Variants in PDE1C observed in about 807,000 individuals in gnomAD.
PDE1C encodes the protein phosphodiesterase 1C, also known as dual specificity calcium/calmodulin-dependent 3',5'-cyclic nucleotide phosphodiesterase 1C.
A neutral mutation model predicts 93.1 loss-of-function variants in PDE1C; 62 were observed. The ratio of observed to expected loss-of-function variants is 0.67; its 90% CI spans 0.54 to 0.82. The LOEUF (loss-of-function observed/expected upper bound fraction) is 0.82. PDE1C is among the 40% of genes least tolerant of loss of function. PDE1C has a pLI of 0.00. For synonymous variants in PDE1C, 325 were observed against 310.1 expected (o/e 1.05, Z -0.50); for missense variants, 742 against 884.6 (o/e 0.84, Z 2.04).
At chr7:31,727,167 A>T in the PDE1C span, among the ~76,000 whole-genome samples, 2 of 152,068 alleles carry the variant, frequency 1.3e-5, no homozygotes, top group African/African-American at 2.4e-5. Flanking sequence ...ACAAGCCCAA[A>T]TTCTGTAAGT....
Position 32,006,097 on chromosome 7 carries a change from C to T in PDE1C, c.128+45457G>A, listed in dbSNP as rs543523237. Among the ~76,000 whole-genome samples the T allele has an allele frequency of 2.6e-5, 4 of 152,134 alleles. No individual in the cohort carries two copies. The South Asian group carries it at 8.3e-4, about 32-fold the overall frequency. ...TGTTCCTTTCTTGGTTCCATTAGTT[C>T]TGACTGAAAAGTCAAACAGGTAAGA... On this transcript the variant is annotated intron_variant, in intron 2 of 17. Transcript: ENST00000396191.
In PDE1C at chr7:32,298,007, TCTCTCTCTC is replaced by T. The variant is rs1562660250; in HGVS notation, c.85+635_85+643del. Among the ~76,000 whole-genome samples, 40 of 45,774 alleles carry T rather than the reference TCTCTCTCTC, an allele frequency of 8.7e-4. 4 individuals are homozygous for T. The highest frequency in any genetic ancestry group is 5.3e-3 in the South Asian group (4 of 750). The allele number at this position is 45,774 out of a possible 152,430, so 30.0% of individuals were successfully genotyped here. A position where few individuals can be genotyped will look rare whatever the true frequency, so the allele number is the denominator to read the frequency against. ...TCTCTCTCTCTCTCTCCTCTCTCTC[TCTCTCTCTC>T]CCTCTCTCTCTCTCTCTCTCTCTCT... On this transcript the variant is annotated intron_variant, in intron 1 of 18. Transcript: ENST00000396193.
intron 1 of PDE1C, among the ~76,000 whole-genome samples, chr7:32,335,108 G>T (rs1038766422): frequency 6.6e-6 from 1 of 152,136 alleles, no homozygotes; most frequent in Non-Finnish European, 1.5e-5. Context: ...GCATCTGTTT[G>T]CAAGTGATTA....
At chr7:32,185,437 T>C (rs191370200) in intron 2 of PDE1C, among the ~76,000 whole-genome samples, 41 of 152,270 alleles carry the variant, frequency 2.7e-4, no homozygotes, top group East Asian at 1.9e-4. Context: ...ATCCTGGGAA[T>C]AGTCTATTCC....
chr7:32,122,906 A>G (rs1799375484), intron 3 of PDE1C, among the ~76,000 whole-genome samples: 1 of 152,212 alleles, frequency 6.6e-6, no homozygotes, highest in African/African-American at 2.4e-5. Context: ...AAACCCTCCA[A>G]AAAATCCATG....
chr7:32,347,035 CA>C, intron 1 of PDE1C, among the ~76,000 whole-genome samples: 1 of 152,294 alleles, frequency 6.6e-6, no homozygotes, highest in Non-Finnish European at 1.5e-5. Flanking sequence ...TGCACTAAAA[CA>C]AACTGAACTG....
At chr7:31,985,495 C>G (rs1172876744) in intron 2 of PDE1C, among the ~76,000 whole-genome samples, 1 of 152,106 alleles carries the variant, frequency 6.6e-6, no homozygotes, top group African/African-American at 2.4e-5. Flanking sequence ...CATAGCTATA[C>G]ATGTGCCATG....
the PDE1C span, among the ~76,000 whole-genome samples, chr7:31,735,230 C>T: frequency 1.3e-5 from 2 of 152,226 alleles, no homozygotes; most frequent in Admixed American, 1.3e-4. Context: ...GAAACCCTGT[C>T]TGTACTAAAG....
chr7:32,021,732 G>A (rs1788700788), intron 2 of PDE1C, among the ~76,000 whole-genome samples: 1 of 151,972 alleles, frequency 6.6e-6, no homozygotes, highest in Non-Finnish European at 1.5e-5. Context: ...CTGACATCTA[G>A]TTGATGTCTA....
At chr7:32,260,890 G>C (rs893246419) in intron 1 of PDE1C, among the ~76,000 whole-genome samples, 1 of 152,232 alleles carries the variant, frequency 6.6e-6, no homozygotes, top group Non-Finnish European at 1.5e-5. Context: ...GGAGGCCCAG[G>C]TGGGTGGATC....
At chr7:31,868,236 A>C (rs1795528581) in intron 6 of PDE1C, among the ~76,000 whole-genome samples, 1 of 152,236 alleles carries the variant, frequency 6.6e-6, no homozygotes, top group Non-Finnish European at 1.5e-5. Context: ...TAAATAATTC[A>C]AATTATTGAT....
At chr7:31,883,879 C>A (rs747055155) in intron 2 of PDE1C, among the ~76,000 whole-genome samples, 1 of 152,172 alleles carries the variant, frequency 6.6e-6, no homozygotes, top group Non-Finnish European at 1.5e-5. Flanking sequence ...GATGTAGTCA[C>A]CAGTGGTGCC....
chr7:31,720,908 C>T, the PDE1C span, among the ~76,000 whole-genome samples: 5 of 152,148 alleles, frequency 3.3e-5, no homozygotes, highest in African/African-American at 1.2e-4. Context: ...CAAACACTAC[C>T]TCTGAAATAA....
intron 1 of PDE1C, among the ~76,000 whole-genome samples, chr7:32,408,978 G>GA (rs1333320474): frequency 6.6e-6 from 1 of 152,090 alleles, no homozygotes; most frequent in Non-Finnish European, 1.5e-5. Flanking sequence ...ACTGCCTCCT[G>GA]AAAAAGAACC....
rs61380876 is a variant in PDE1C at position 32,084,840 on chromosome 7, C to T, written c.308+84945G>A. ...ACACAACATACCAGAATCTCTGGGA[C>T]GCATTCAAAGCAGTGTGTAGAGGGA... On this transcript the variant is annotated intron_variant, in intron 3 of 18. Coordinates refer to the PDE1C transcript ENST00000396193. 3.4e-3 allele frequency among the ~76,000 whole-genome samples: 486 copies of T among 142,032 alleles called. 4 individuals carry two copies. The highest frequency in any genetic ancestry group is 0.012 in the African/African-American group (444 of 38,284). 93.2% of individuals were successfully genotyped at this position (142,032 alleles called of 152,430 possible).
chr7:31,930,888 A>G (rs967773378), intron 2 of PDE1C, among the ~76,000 whole-genome samples: 1 of 142,394 alleles, frequency 7.0e-6, no homozygotes, highest in Admixed American at 7.1e-5. Flanking sequence ...CTTATCCACC[A>G]CTATCAAGTT....
intron 1 of PDE1C, among the ~76,000 whole-genome samples, chr7:32,246,272 C>T (rs532017760): frequency 1.1e-4 from 16 of 152,036 alleles, no homozygotes; most frequent in Admixed American, 7.9e-4. Flanking sequence ...CCTGGCCATT[C>T]GACGTATGAA....
At chr7:31,840,278 G>A (rs1349156298) in intron 9 of PDE1C, among the ~76,000 whole-genome samples, 5 of 152,050 alleles carry the variant, frequency 3.3e-5, no homozygotes, top group African/African-American at 1.2e-4. Flanking sequence ...ATTTTTTAGG[G>A]AAATGTCTGT....
At chr7:31,906,286 C>A (rs560751837) in intron 2 of PDE1C, among the ~76,000 whole-genome samples, 7 of 152,192 alleles carry the variant, frequency 4.6e-5, no homozygotes, top group African/African-American at 1.7e-4. Flanking sequence ...TTCTCCAGGG[C>A]CTTTTAAAAG....
Sources: gnomAD v4.1 joint callset for allele counts (sites outside exome capture counted in the v4.1 genomes callset) on GRCh38, gnomAD v4.1.1 for gene constraint, MANE v1.5 for transcripts, NCBI Gene and HGNC (gene_info 2026-07-23, HGNC 2026-07-21) for gene names.